ZNF544: variants seen among roughly 807,000 people sequenced by gnomAD.
ZNF544 encodes zinc finger protein 544.
Under a neutral mutation model 13.5 loss-of-function variants are expected in ZNF544, and 10 were observed. The ratio of observed to expected loss-of-function variants is 0.74; its 90% CI spans 0.46 to 1.25. The LOEUF is 1.25. Ranked by LOEUF, ZNF544 falls within the 50% of genes most tolerant of loss-of-function variation. ZNF544 has a pLI of 0.00. For missense variants in ZNF544, 896 were observed against 845.6 expected (o/e 1.06, Z -0.74); for synonymous variants, 323 against 300.5 (o/e 1.07, Z -0.77).
intron 3 of ZNF544, among the ~76,000 whole-genome samples, chr19:58,238,860 C>A (rs2042973397): frequency 6.8e-6 from 1 of 147,114 alleles, no homozygotes; most frequent in Admixed American, 6.8e-5. Flanking sequence ...CCCACTAAGT[C>A]ACGGTAAAAA....
At chr19:58,273,579 A>C (rs1024538315) in intron 5 of ZNF544, among the ~76,000 whole-genome samples, 2 of 150,444 alleles carry the variant, frequency 1.3e-5, no homozygotes, top group African/African-American at 2.4e-5. Flanking sequence ...AATCCCAGCT[A>C]TTTGGGAGGA....
At chr19:58,266,769 G>T (rs1428055588), downstream of ZNF544, 1 of 152,188 alleles carries the variant, frequency 6.6e-6, no homozygotes, top group Non-Finnish European at 1.5e-5. Flanking sequence ...AGTAGGGAAG[G>T]AGTCATGTGC....
intron 5 of ZNF544, among the ~76,000 whole-genome samples, chr19:58,269,902 C>T (rs1466887758): frequency 6.6e-6 from 1 of 152,140 alleles, no homozygotes; most frequent in African/African-American, 2.4e-5. Flanking sequence ...GCCTGGGCGA[C>T]AGAATGAGAC....
At chr19:58,231,078 C>G (rs2041113928) in intron 3 of ZNF544, among the ~76,000 whole-genome samples, 1 of 152,094 alleles carries the variant, frequency 6.6e-6, no homozygotes, top group Non-Finnish European at 1.5e-5. Context: ...AACTCAGAAA[C>G]TAGCAGGGTT....
intron 5 of ZNF544, among the ~76,000 whole-genome samples, chr19:58,273,341 G>A (rs1027411338): frequency 1.3e-5 from 2 of 152,114 alleles, no homozygotes; most frequent in African/African-American, 2.4e-5. Context: ...ATCTGTTTAA[G>A]TAAAAATAAG....
At chr19:58,266,703 C>G (rs1039881375), downstream of ZNF544, 1 of 147,112 alleles carries the variant, frequency 6.8e-6, no homozygotes, top group African/African-American at 2.6e-5. Context: ...CAGACTCTTC[C>G]CCATTTTTTT....
intron 3 of ZNF544, among the ~76,000 whole-genome samples, chr19:58,230,873 C>A (rs1232495633): frequency 6.6e-6 from 1 of 152,140 alleles, no homozygotes; most frequent in Non-Finnish European, 1.5e-5. Context: ...GAGTGCAGGC[C>A]TGCAGGAGTT....
In ZNF544 at chr19:58,261,184, A is replaced by C; in HGVS notation, c.578A>C (p.Glu193Ala). The stretch of plus-strand genomic sequence containing the variant: ...CCTAAGCCCAACTCACAAGTTAAAG[A>C]GTTGAAACAAAATTCAGCTTTCATT... The part of the protein sequence containing the change: ...GFPKPNSQVK[E>A]LKQNSAFINH... Residue 193 changes from glutamate to alanine, a missense_variant, in exon 7 of 7, where the codon GAG becomes GCG. Coordinates refer to ENST00000687789, the MANE Select transcript of ZNF544 (RefSeq NM_014480.4). 5.0e-6 allele frequency: 8 copies of C among 1,614,200 alleles called. No homozygotes were observed. Among genetic ancestry groups the C allele is most frequent in the Non-Finnish European group, 6.8e-6 (8 of 1,180,048 alleles).
intron 5 of ZNF544, among the ~76,000 whole-genome samples, chr19:58,272,842 C>CAG (rs1251111837): frequency 3.3e-5 from 5 of 150,814 alleles, no homozygotes; most frequent in Admixed American, 1.3e-4. Context: ...CACTGCACTC[C>CAG]AGCCTGGGCT....
At position 58,263,546 on chromosome 19, in the gene ZNF544, T is replaced by C. The variant is rs753281842; in HGVS notation, c.*792T>C. The C allele has an allele frequency of 1.0e-6, 1 of 985,372 alleles. No homozygotes were observed. The highest frequency in any genetic ancestry group is 1.2e-6 in the Non-Finnish European group (1 of 829,956). 61.0% of individuals were successfully genotyped at this position (985,372 alleles called of 1,614,324 possible). On this transcript the variant is annotated 3_prime_UTR_variant, in exon 7 of 7. Transcript: ENST00000687789. ...CAAAACATGACTCTCAGAGTGGGGC[T>C]TCATGACCATGTGCATCAGAATTGC...
chr19:58,262,720 T>G lies in ZNF544; in HGVS notation c.2114T>G (p.Val705Gly). ...TTCCGGCAGCAATCTCAACTTGTAGTGCATCGGCGGACACATACTGGAGAG... is the reference window on the plus strand; with the variant it reads ...TTCCGGCAGCAATCTCAACTTGTAGGGCATCGGCGGACACATACTGGAGAG... ...KSFRQQSQLV[V>G]HRRTHTGEKP Residue 705 changes from valine to glycine, a missense_variant, in exon 7 of 7, where the codon GTG becomes GGG. Val to Gly is a moderately radical substitution (Grantham distance 109). Transcript: ENST00000687789. 6.2e-7 allele frequency: 1 copy of G among 1,608,874 alleles called. No homozygotes were observed. Among genetic ancestry groups the G allele is most frequent in the South Asian group, 1.1e-5 (1 of 90,538 alleles).
chr19:58,275,806 A>AAAAAAG (rs1337518980), intron 5 of ZNF544, among the ~76,000 whole-genome samples: 1 of 131,282 alleles, frequency 7.6e-6, no homozygotes, highest in African/African-American at 3.0e-5. Context: ...AAAAAAAGGA[A>AAAAAAG]AGAGGAAATA....
At chr19:58,252,408 A>T (rs981827118) in intron 6 of ZNF544, among the ~76,000 whole-genome samples, 1 of 152,178 alleles carries the variant, frequency 6.6e-6, no homozygotes, top group African/African-American at 2.4e-5. Context: ...AGAATTTACC[A>T]TACAGGATCC....
intron 6 of ZNF544, chr19:58,259,304 T>C (rs1021300352): frequency 5.3e-5 from 8 of 152,238 alleles, no homozygotes; most frequent in Non-Finnish European, 1.2e-4. Flanking sequence ...AATTGGTGCA[T>C]TAAGAATATG....
At position 58,261,268 on chromosome 19, in the gene ZNF544, C is replaced by G; in HGVS notation, c.662C>G (p.Ala221Gly). The G allele has an allele frequency of 6.2e-7, 1 of 1,614,164 alleles. No homozygotes were observed. The highest frequency in any genetic ancestry group is 8.5e-7 in the Non-Finnish European group (1 of 1,180,032). Residue 221 changes from alanine (A) to glycine (G), a missense_variant, in exon 7 of 7, where the codon GCT becomes GGT. By Grantham distance (60) the Ala-to-Gly change is moderately conservative (BLOSUM62 0). Coordinates refer to ENST00000687789, the MANE Select transcript of ZNF544 (RefSeq NM_014480.4). ...TGTGAGAGTCATCAGTGTGCTAGAG[C>G]TTTCTGTCAGAGTATTTACTTGAGT... Reference protein sequence around the residue: ...KHCESHQCARAFCQSIYLSKL... With the variant: ...KHCESHQCARGFCQSIYLSKL...
intron 5 of ZNF544, among the ~76,000 whole-genome samples, chr19:58,270,426 T>A (rs1290447875): frequency 6.6e-6 from 1 of 151,604 alleles, no homozygotes; most frequent in Non-Finnish European, 1.5e-5. Context: ...CTCAGCCTCC[T>A]GAGTAGCTGG....
At chr19:58,254,127 G>C (rs2046786603) in intron 6 of ZNF544, among the ~76,000 whole-genome samples, 1 of 152,074 alleles carries the variant, frequency 6.6e-6, no homozygotes, top group Admixed American at 6.6e-5. Context: ...GAGAGGCTGA[G>C]GCAGGAGAAT....
At chr19:58,273,160 A>G (rs1472629601) in intron 5 of ZNF544, among the ~76,000 whole-genome samples, 2 of 151,798 alleles carry the variant, frequency 1.3e-5, no homozygotes, top group Admixed American at 6.6e-5. Flanking sequence ...CAGCCTGGGC[A>G]ACAAGAGCGA....
chr19:58,262,237 G>A lies in ZNF544; in HGVS notation c.1631G>A (p.Gly544Glu). Residue 544 changes from glycine to glutamate, a missense_variant, in exon 7 of 7, where the codon GGA becomes GAA. Coordinates refer to ENST00000687789, the MANE Select transcript of ZNF544 (RefSeq NM_014480.4). ...KLITHQRIHT[G>E]EKPYQCIECG... ...ATTACGCATCAGCGAATTCACACTG[G>A]AGAAAAACCGTATCAGTGTATTGAA... 6.2e-7 allele frequency: 1 copy of A among 1,613,980 alleles called. No individual in the cohort carries two copies. The highest frequency in any genetic ancestry group is 2.2e-5 in the East Asian group (1 of 44,872).
Sources: allele counts gnomAD v4.1 joint callset (sites outside exome capture counted in the v4.1 genomes callset), GRCh38; gene constraint gnomAD v4.1.1; transcripts MANE v1.5; gene names NCBI Gene and HGNC (gene_info 2026-07-23, HGNC 2026-07-21).